SEC23IP: variants seen among roughly 807,000 people sequenced by gnomAD.
SEC23IP encodes SEC23 interacting protein, also known as SEC23-interacting protein.
Under a neutral mutation model 113.4 loss-of-function variants are expected in SEC23IP, and 70 were observed. That is an observed-to-expected ratio of 0.62 (90% CI 0.51 to 0.75). The LOEUF (loss-of-function observed/expected upper bound fraction) is 0.75, where lower values mean the gene tolerates loss of function less well. SEC23IP is among the 30% of genes least tolerant of loss of function. The pLI, the probability that SEC23IP is intolerant of heterozygous loss-of-function variation, is 0.00. For synonymous variants in SEC23IP, 398 were observed against 421.0 expected, an observed-to-expected ratio of 0.95 and a Z score of 0.67; for missense variants, 1,160 against 1,204.9, an observed-to-expected ratio of 0.96 and a Z score of 0.55.
intron 13 of SEC23IP, among the ~76,000 whole-genome samples, chr10:119,928,645 T>G (rs1056580721): frequency 1.6e-4 from 24 of 152,216 alleles, no homozygotes; most frequent in Admixed American, 1.6e-3. Context: ...ACACTTGGAT[T>G]ATGCCATTCA....
chr10:119,910,730 C>G (rs1331349014), intron 5 of SEC23IP, among the ~76,000 whole-genome samples: 1 of 152,132 alleles, frequency 6.6e-6, no homozygotes, highest in Non-Finnish European at 1.5e-5. Flanking sequence ...CTTACCCAGG[C>G]TGTAGTGCAG....
chr10:119,925,334 A>G (rs1411464436), intron 12 of SEC23IP, among the ~76,000 whole-genome samples: 1 of 152,038 alleles, frequency 6.6e-6, no homozygotes, highest in Admixed American at 6.6e-5. Flanking sequence ...CATGAACAGT[A>G]TGTATTCTTT....
chr10:119,921,645 T>C (rs1319692901), intron 12 of SEC23IP, among the ~76,000 whole-genome samples: 1 of 152,178 alleles, frequency 6.6e-6, no homozygotes, highest in East Asian at 1.9e-4. Flanking sequence ...ACAGCAAAAA[T>C]TGTTAACAAT....
At chr10:119,923,748 C>T (rs1455291370) in intron 12 of SEC23IP, among the ~76,000 whole-genome samples, 1 of 152,044 alleles carries the variant, frequency 6.6e-6, no homozygotes, top group African/African-American at 2.4e-5. Flanking sequence ...GGGGTTTCAC[C>T]ATGTTGGTCA....
At chr10:119,908,114 A>T (rs1302653554) in intron 4 of SEC23IP, among the ~76,000 whole-genome samples, 1 of 152,214 alleles carries the variant, frequency 6.6e-6, no homozygotes, top group Non-Finnish European at 1.5e-5. Flanking sequence ...AACACCAGGG[A>T]TTTTGGTATC....
chr10:119,918,355 C>A, intron 9 of SEC23IP, 38 bp from the exon 10 acceptor site: 1 of 1,205,828 alleles, frequency 8.3e-7, no homozygotes, highest in Non-Finnish European at 1.2e-6. Flanking sequence ...TATAAAAGTA[C>A]CTACTACATT....
chr10:119,924,915 C>T (rs1264479014), intron 12 of SEC23IP, among the ~76,000 whole-genome samples: 1 of 151,844 alleles, frequency 6.6e-6, no homozygotes, highest in Non-Finnish European at 1.5e-5. Context: ...GTAGCTGGGA[C>T]TTCAGGCATG....
intron 1 of SEC23IP, among the ~76,000 whole-genome samples, chr10:119,894,649 G>C (rs1237665757): frequency 6.6e-6 from 1 of 152,194 alleles, no homozygotes; most frequent in African/African-American, 2.4e-5. Flanking sequence ...AGGTGTTGCT[G>C]TCTTTGGTGA....
At chr10:119,922,088 G>C (rs150792508) in intron 12 of SEC23IP, among the ~76,000 whole-genome samples, 8 of 152,252 alleles carry the variant, frequency 5.3e-5, no homozygotes, top group East Asian at 1.9e-4. Context: ...GGAGCACGTT[G>C]AGCTCAAATG....
At chr10:119,929,215 TAAAGAGAA>T (rs1855511069) in intron 13 of SEC23IP, among the ~76,000 whole-genome samples, 1 of 152,320 alleles carries the variant, frequency 6.6e-6, no homozygotes, top group Admixed American at 6.5e-5. Context: ...ATAAAGATTT[TAAAGAGAA>T]ATTTTTTAGT....
chr10:119,931,708 A>G (rs975007442), intron 15 of SEC23IP, among the ~76,000 whole-genome samples: 3 of 151,638 alleles, frequency 2.0e-5, no homozygotes, highest in African/African-American at 4.9e-5. Context: ...GCCTGCCACC[A>G]CGCCCGGCTA....
chr10:119,933,566 C>A, intron 17 of SEC23IP, 120 bp from the exon 18 acceptor site: 1 of 631,378 alleles, frequency 1.6e-6, no homozygotes. Context: ...GATTACATTG[C>A]TATCATTTGC....
At position 119,898,756 on chromosome 10, in the gene SEC23IP, C is replaced by T; in HGVS notation, c.493C>T (p.Pro165Ser). Residue 165 changes from proline to serine, a missense_variant, in exon 2 of 19, where the codon CCT (proline) becomes TCT (serine). Transcript: ENST00000369075. ...YLPSQPSSLPPSYFGNQPQGI... is the reference protein window; with the variant it reads ...YLPSQPSSLPSSYFGNQPQGI... ...GCCTTCTCAGCCAAGTAGTCTCCCTCCTTCATATTTTGGGAACCAACCCCA... is the reference window on the plus strand; with the variant it reads ...GCCTTCTCAGCCAAGTAGTCTCCCTTCTTCATATTTTGGGAACCAACCCCA... 1.2e-6 allele frequency: 2 copies of T among 1,614,194 alleles called. No homozygotes were observed. The highest frequency in any genetic ancestry group is 1.7e-5 in the Admixed American group (1 of 60,024).
At chr10:119,894,109 A>G (rs1193578652) in intron 1 of SEC23IP, among the ~76,000 whole-genome samples, 1 of 152,162 alleles carries the variant, frequency 6.6e-6, no homozygotes, top group Non-Finnish European at 1.5e-5. Flanking sequence ...TGTAATTAGA[A>G]ATGCTTTAAT....
intron 13 of SEC23IP, among the ~76,000 whole-genome samples, chr10:119,927,222 C>T (rs533307839): frequency 9.9e-5 from 15 of 152,252 alleles, no homozygotes; most frequent in African/African-American, 2.2e-4. Flanking sequence ...TAATGACTGC[C>T]GTAATCAGTA....
intron 12 of SEC23IP, among the ~76,000 whole-genome samples, chr10:119,924,480 G>A (rs1481638096): frequency 1.3e-5 from 2 of 151,784 alleles, no homozygotes; most frequent in Non-Finnish European, 1.5e-5. Flanking sequence ...GAATGCAGTG[G>A]CGGATCTCGA....
At chr10:119,920,252 A>G (rs924479463) in intron 11 of SEC23IP, among the ~76,000 whole-genome samples, 4 of 152,214 alleles carry the variant, frequency 2.6e-5, no homozygotes, top group Non-Finnish European at 5.9e-5. Flanking sequence ...TGCCAGGAAT[A>G]TTTCCTATAG....
At position 119,943,645 on chromosome 10, in the gene SEC23IP, G is replaced by T. The variant is rs2134554315; in HGVS notation, c.*3080G>T. On this transcript the variant is annotated 3_prime_UTR_variant, in exon 19 of 19. Transcript: ENST00000369075. ...AGCAACTCTTGCAGATTTCCCGAAT[G>T]TATTGGTCCCAGAGAACACTGAAAA... 1 of 152,288 alleles carries T rather than the reference G, an allele frequency of 6.6e-6. No individual in the cohort carries two copies. The highest frequency in any genetic ancestry group is 3.4e-3 in the Middle Eastern group (1 of 294). 9.4% of individuals were successfully genotyped at this position (152,288 alleles called of 1,614,324 possible).
At chr10:119,933,233 G>C (rs886625611) in intron 17 of SEC23IP, 66 bp downstream of exon 17, 3 of 1,286,782 alleles carry the variant, frequency 2.3e-6, no homozygotes, top group Non-Finnish European at 3.3e-6. Context: ...AGCAATTTTA[G>C]TTTTAGTGAG....
Sources: allele counts gnomAD v4.1 joint callset (sites outside exome capture counted in the v4.1 genomes callset), GRCh38; gene constraint gnomAD v4.1.1; transcripts MANE v1.5; gene names NCBI Gene and HGNC (gene_info 2026-07-23, HGNC 2026-07-21).